TAS2R1: variants seen among roughly 807,000 people sequenced by gnomAD.
The protein encoded by TAS2R1 is taste 2 receptor member 1, also known as taste receptor type 2 member 1.
For missense variants in TAS2R1, 370 were observed against 353.4 expected (o/e 1.05, Z -0.38); for synonymous variants, 141 against 134.2 (o/e 1.05, Z -0.35).
chr5:9,770,527 T>C, the TAS2R1 span, among the ~76,000 whole-genome samples: 2 of 152,204 alleles, frequency 1.3e-5, no homozygotes, highest in Non-Finnish European at 2.9e-5. Flanking sequence ...TTAACAATAT[T>C]GATTCTTCCA....
At chr5:9,680,398 TCTTC>T (rs1184310733) in intron 1 of TAS2R1, among the ~76,000 whole-genome samples, 2 of 152,160 alleles carry the variant, frequency 1.3e-5, no homozygotes, top group Non-Finnish European at 2.9e-5. Context: ...ATAGCAACTA[TCTTC>T]CAAAAACTGC....
upstream of TAS2R1, among the ~76,000 whole-genome samples, chr5:9,635,282 C>T (rs932404844): frequency 5.9e-5 from 9 of 152,104 alleles, no homozygotes; most frequent in South Asian, 4.1e-4. Flanking sequence ...ATTCATGCAT[C>T]CCTAGCATAA....
At chr5:9,802,337 C>A in the TAS2R1 span, among the ~76,000 whole-genome samples, 3 of 152,226 alleles carry the variant, frequency 2.0e-5, no homozygotes, top group African/African-American at 7.2e-5. Flanking sequence ...ACAATCACTG[C>A]AGTTCAGCTC....
the TAS2R1 span, among the ~76,000 whole-genome samples, chr5:9,771,443 T>A: frequency 1.3e-5 from 2 of 152,212 alleles, no homozygotes; most frequent in Non-Finnish European, 2.9e-5. Flanking sequence ...GGGTTTTGCA[T>A]CAATTTTCAT....
At chr5:9,718,715 G>T in the TAS2R1 span, among the ~76,000 whole-genome samples, 1 of 152,182 alleles carries the variant, frequency 6.6e-6, no homozygotes. Flanking sequence ...CACCACCCAT[G>T]TGAAGGACAT....
rs78806518 is a variant in TAS2R1, at chr5:9,708,897, C to T, written c.-242+3275G>A. Among the ~76,000 whole-genome samples the T allele has an allele frequency of 2.1e-3, 325 of 152,230 alleles. 6 individuals are homozygous for T. The East Asian group carries it at 0.052, about 25-fold the overall frequency. ...TGTTCCCCAACTCAGCCACATCAAG[C>T]ATAATAATTTCTTACCTCACTGTCA... On this transcript the variant is annotated intron_variant, in intron 1 of 2. Coordinates refer to the TAS2R1 transcript ENST00000506620.
At chr5:9,799,298 T>C in the TAS2R1 span, among the ~76,000 whole-genome samples, 143 of 152,224 alleles carry the variant, frequency 9.4e-4, 1 homozygote, top group Non-Finnish European at 1.3e-3. Flanking sequence ...GCAAACTAAT[T>C]AACTAAGTAT....
At chr5:9,633,313 T>TATATATATATATATATATATATATATA (rs1254101852), upstream of TAS2R1, among the ~76,000 whole-genome samples, 3 of 128,988 alleles carry the variant, frequency 2.3e-5, no homozygotes, top group African/African-American at 1.0e-4. Flanking sequence ...TATATATATA[T>TATATATATATATATATATATATATATA]ATATATACAC....
At chr5:9,708,857 C>T (rs1579794770) in intron 1 of TAS2R1, among the ~76,000 whole-genome samples, 3 of 152,114 alleles carry the variant, frequency 2.0e-5, no homozygotes, top group Admixed American at 2.0e-4. Flanking sequence ...TATCTCCAAA[C>T]ACCCAGGCTC....
rs1235466494 is a variant in TAS2R1 at position 9,629,287 on chromosome 5, G to C, written c.746C>G (p.Ser249Cys). 3 of 1,613,974 alleles carry C rather than the reference G, an allele frequency of 1.9e-6. No homozygotes were observed. The African/African-American group carries it at 4.0e-5, about 22-fold the overall frequency. ...GAACCTTCTGATGTGAAACTTTAGAGAAGAGAGAAAAACTTTTATCATGCA... is the reference window on the plus strand; with the variant it reads ...GAACCTTCTGATGTGAAACTTTAGACAAGAGAGAAAAACTTTTATCATGCA... ...SHCMIKVFLS[S>C]LKFHIRRFIF... Residue 249 changes from serine (S) to cysteine (C), a missense_variant, in exon 1 of 1, where the codon TCT becomes TGT. By Grantham distance (112) the Ser-to-Cys change is moderately radical (BLOSUM62 -1). Transcript: ENST00000382492.
chr5:9,755,581 C>T, the TAS2R1 span, among the ~76,000 whole-genome samples: 1 of 115,110 alleles, frequency 8.7e-6, no homozygotes, highest in African/African-American at 3.1e-5. Flanking sequence ...AGTGAGACTC[C>T]ATCTCCAAAA....
chr5:9,693,770 C>T lies in TAS2R1; in HGVS notation c.-242+18402G>A, dbSNP rs547405033. 3.3e-5 allele frequency among the ~76,000 whole-genome samples: 5 copies of T among 151,860 alleles called. No homozygotes were observed. In the South Asian group the frequency reaches 1.0e-3, roughly 32 times the overall value. On this transcript the variant is annotated intron_variant, in intron 1 of 2. Transcript: ENST00000506620. ...CAGAGTAAGACTGCCGACTACGTTG[C>T]CTTTTAAAAAAATAGGTATATCACA...
the TAS2R1 span, among the ~76,000 whole-genome samples, chr5:9,800,225 C>A: frequency 6.6e-6 from 1 of 152,124 alleles, no homozygotes; most frequent in Admixed American, 6.5e-5. Context: ...CAGCCCCTAA[C>A]GACAAAATTA....
chr5:9,667,162 A>C (rs1204315782), intron 1 of TAS2R1, among the ~76,000 whole-genome samples: 1 of 152,184 alleles, frequency 6.6e-6, no homozygotes, highest in African/African-American at 2.4e-5. Flanking sequence ...TTTAAACTAG[A>C]CATAATTACA....
intron 1 of TAS2R1, among the ~76,000 whole-genome samples, chr5:9,707,203 G>A (rs1183411734): frequency 6.6e-6 from 1 of 152,152 alleles, no homozygotes; most frequent in Non-Finnish European, 1.5e-5. Context: ...ATTCCCTCAG[G>A]CTGGTGGTGG....
chr5:9,681,047 G>A (rs1011515436), intron 1 of TAS2R1, among the ~76,000 whole-genome samples: 9 of 152,174 alleles, frequency 5.9e-5, no homozygotes, highest in Admixed American at 5.2e-4. Context: ...GGGTGACAGA[G>A]AGAGACTCCA....
At chr5:9,780,399 C>T in the TAS2R1 span, among the ~76,000 whole-genome samples, 4 of 152,222 alleles carry the variant, frequency 2.6e-5, no homozygotes, top group African/African-American at 9.6e-5. Context: ...AATTCTGATT[C>T]AGATTCCTTT....
the TAS2R1 span, among the ~76,000 whole-genome samples, chr5:9,903,287 TATTTC>T: frequency 6.6e-6 from 1 of 152,100 alleles, no homozygotes; most frequent in Non-Finnish European, 1.5e-5. Context: ...GTGCCTAGCT[TATTTC>T]ATTTAACATA....
chr5:9,873,949 CAG>C, the TAS2R1 span, among the ~76,000 whole-genome samples: 3 of 117,616 alleles, frequency 2.6e-5, no homozygotes, highest in East Asian at 7.2e-4. Context: ...GAGGGGGAGA[CAG>C]AAAGAAAAGA....
Sources: allele counts gnomAD v4.1 joint callset (sites outside exome capture counted in the v4.1 genomes callset), GRCh38; gene constraint gnomAD v4.1.1; transcripts MANE v1.5; gene names NCBI Gene and HGNC (gene_info 2026-07-23, HGNC 2026-07-21).